Variants in ANKS1B observed in about 807,000 individuals in gnomAD.
The protein encoded by ANKS1B is ankyrin repeat and sterile alpha motif domain containing 1B.
ANKS1B carries 36 observed loss-of-function variants against 148.3 expected under a neutral mutation model. The ratio of observed to expected loss-of-function variants is 0.24; its 90% confidence interval spans 0.19 to 0.32. The LOEUF is 0.32. Ranked by LOEUF, ANKS1B falls within the 10% of genes least tolerant of loss-of-function variation. The pLI is 1.00. For synonymous variants in ANKS1B, 542 were observed against 560.8 expected, an observed-to-expected ratio of 0.97 and a Z score of 0.47; for missense variants, 1,157 against 1,542.6, an observed-to-expected ratio of 0.75 and a Z score of 4.19.
intron 17 of ANKS1B, among the ~76,000 whole-genome samples, chr12:98,942,377 A>G (rs948440229): frequency 1.3e-5 from 2 of 152,214 alleles, no homozygotes; most frequent in African/African-American, 4.8e-5. Context: ...CCAGGGCTTC[A>G]AGCTGAACAG....
At chr12:99,380,800 CCTTT>C (rs760925933) in intron 12 of ANKS1B, among the ~76,000 whole-genome samples, 9,599 of 119,780 alleles carry the variant, frequency 0.08, 514 homozygotes, top group African/African-American at 0.18. Context: ...TTCCTTCCTT[CCTTT>C]CTCATGCTCC....
At chr12:98,906,581 T>C (rs1460082197) in intron 17 of ANKS1B, among the ~76,000 whole-genome samples, 1 of 152,174 alleles carries the variant, frequency 6.6e-6, no homozygotes, top group Non-Finnish European at 1.5e-5. Flanking sequence ...GCAAGGATGT[T>C]CCCTGACGAC....
intron 1 of ANKS1B, among the ~76,000 whole-genome samples, chr12:99,942,832 C>T (rs1170095874): frequency 6.6e-6 from 1 of 152,074 alleles, no homozygotes; most frequent in South Asian, 2.1e-4. Context: ...GGTAGAATGC[C>T]TTTATTCTAC....
chr12:98,899,075 C>A (rs1260427144), intron 17 of ANKS1B, among the ~76,000 whole-genome samples: 4 of 152,052 alleles, frequency 2.6e-5, no homozygotes, highest in Admixed American at 2.6e-4. Context: ...ATGTAAGGCC[C>A]TTTGTAAGAT....
intron 9 of ANKS1B, among the ~76,000 whole-genome samples, chr12:99,533,957 C>A (rs1202039473): frequency 6.6e-6 from 1 of 151,976 alleles, no homozygotes; most frequent in Non-Finnish European, 1.5e-5. Flanking sequence ...ACTTGAATGG[C>A]CTCCCAAAAC....
At position 99,317,876 on chromosome 12, in the gene ANKS1B, C is replaced by G. The variant is rs183715143; in HGVS notation, c.1757-71012G>C. 6.0e-3 allele frequency among the ~76,000 whole-genome samples: 904 copies of G among 151,920 alleles called. 7 individuals carry two copies. Among genetic ancestry groups the G allele is most frequent in the African/African-American group, 0.021 (863 of 41,424 alleles). On this transcript the variant is annotated intron_variant, in intron 12 of 26. Coordinates refer to ENST00000683438, the MANE Select transcript of ANKS1B (RefSeq NM_001352186.2). ...TTTATTGAGAGTTTTTAGCATGAAG[C>G]GTTGTTGAATTTTGTCAAAGGCCTT...
chr12:99,149,155 A>G (rs1194035346), intron 15 of ANKS1B, among the ~76,000 whole-genome samples: 1 of 152,134 alleles, frequency 6.6e-6, no homozygotes, highest in Non-Finnish European at 1.5e-5. Context: ...ACAATATGCT[A>G]CTAAGATACT....
At chr12:98,903,396 G>T (rs1250116209) in intron 17 of ANKS1B, among the ~76,000 whole-genome samples, 1 of 152,064 alleles carries the variant, frequency 6.6e-6, no homozygotes, top group East Asian at 1.9e-4. Context: ...ACAGTGGTTT[G>T]TTCAGAGACG....
chr12:99,096,060 G>A (rs2055988819), intron 15 of ANKS1B, among the ~76,000 whole-genome samples: 2 of 152,172 alleles, frequency 1.3e-5, no homozygotes, highest in South Asian at 4.1e-4. Flanking sequence ...AGGAAGTACA[G>A]TTTTACATAA....
chr12:99,736,560 G>A (rs1266802668), intron 8 of ANKS1B, among the ~76,000 whole-genome samples: 2 of 151,854 alleles, frequency 1.3e-5, no homozygotes, highest in Admixed American at 1.3e-4. Context: ...CATCTAGAAG[G>A]AAAACTACAA....
chr12:99,274,191 C>T (rs138787835), intron 12 of ANKS1B, among the ~76,000 whole-genome samples: 7 of 152,212 alleles, frequency 4.6e-5, no homozygotes, highest in Admixed American at 2.0e-4. Flanking sequence ...TCCCTGATAG[C>T]GCTCTGGATT....
At chr12:98,957,675 G>A (rs529570872) in intron 17 of ANKS1B, among the ~76,000 whole-genome samples, 2 of 152,146 alleles carry the variant, frequency 1.3e-5, no homozygotes, top group East Asian at 1.9e-4. Flanking sequence ...AAAGCGTTAG[G>A]GGTGGTGAGC....
At chr12:98,814,962 T>A (rs1381183748) in intron 19 of ANKS1B, among the ~76,000 whole-genome samples, 1 of 152,228 alleles carries the variant, frequency 6.6e-6, no homozygotes, top group Non-Finnish European at 1.5e-5. Context: ...CGTCTTATAC[T>A]TTCGGTTACC....
chr12:99,824,495 G>A (rs571196130), intron 2 of ANKS1B, among the ~76,000 whole-genome samples: 1 of 147,940 alleles, frequency 6.8e-6, no homozygotes, highest in African/African-American at 2.5e-5. Flanking sequence ...GTGAGACTCT[G>A]TCTCAAAAAA....
intron 1 of ANKS1B, among the ~76,000 whole-genome samples, chr12:99,978,764 G>A (rs142670603): frequency 1.2e-3 from 188 of 152,106 alleles, no homozygotes; most frequent in African/African-American, 4.3e-3. Flanking sequence ...TAAGCTCTCT[G>A]GTTTTTATGT....
chr12:99,533,591 G>A (rs933564900), intron 9 of ANKS1B, among the ~76,000 whole-genome samples: 1 of 152,188 alleles, frequency 6.6e-6, no homozygotes, highest in African/African-American at 2.4e-5. Flanking sequence ...TGATGAAAGT[G>A]GGCATCCTTG....
chr12:99,339,204 A>G (rs2089490115), intron 12 of ANKS1B, among the ~76,000 whole-genome samples: 1 of 152,172 alleles, frequency 6.6e-6, no homozygotes. Flanking sequence ...GGGTTCCACA[A>G]GCTGGAACGG....
At chr12:99,334,246 T>C (rs978398715) in intron 12 of ANKS1B, among the ~76,000 whole-genome samples, 9 of 152,000 alleles carry the variant, frequency 5.9e-5, no homozygotes, top group Non-Finnish European at 1.2e-4. Context: ...AGTATATCTG[T>C]TTCCTGTACA....
chr12:99,291,614 A>G (rs1010023908), intron 12 of ANKS1B, among the ~76,000 whole-genome samples: 1 of 152,216 alleles, frequency 6.6e-6, no homozygotes, highest in African/African-American at 2.4e-5. Flanking sequence ...CTTATTTTTG[A>G]CAAAAGTGCC....
Sources: allele counts gnomAD v4.1 joint callset (sites outside exome capture counted in the v4.1 genomes callset), GRCh38; gene constraint gnomAD v4.1.1; transcripts MANE v1.5; gene names NCBI Gene and HGNC (gene_info 2026-07-23, HGNC 2026-07-21).